The following ASIC3 variants were observed in gnomAD, a reference collection of about 807,000 sequenced individuals.
ASIC3 encodes acid sensing ion channel subunit 3.
In ASIC3, 46 loss-of-function variants were observed where a neutral mutation model predicts 58.6. The ratio of observed to expected loss-of-function variants is 0.79; its 90% CI spans 0.62 to 1.00. ASIC3 has a LOEUF of 1.00. Ranked by LOEUF, ASIC3 falls within the 50% of genes least tolerant of loss-of-function variation. The pLI, the probability that ASIC3 is intolerant of heterozygous loss-of-function variation, is 0.00. For synonymous variants in ASIC3, 336 were observed against 300.2 expected (o/e 1.12, Z -1.23); for missense variants, 770 against 735.0 (o/e 1.05, Z -0.55).
Position 151,052,189 on chromosome 7 carries a change from A to G in ASIC3, c.1410A>G (p.Gly470=). The change falls in exon 9 of 11, where the codon GGA becomes GGG. Residue 470 remains glycine, a synonymous_variant. Transcript: ENST00000349064. This position sits in a 1 kb window ranked among gnomAD's most constrained non-coding sequence, Gnocchi z 5.0. ...LCEVFRDKVL[G]YFWNRQHSQR... is the part of the protein sequence containing the mutation. ...AGGTGTTCCGAGACAAGGTCCTGGG[A>G]TATTTCTGGAACCGACAGCACTCCC... 1 of 1,613,988 alleles carries G rather than the reference A, an allele frequency of 6.2e-7. No homozygotes were observed. Among genetic ancestry groups the G allele is most frequent in the Non-Finnish European group, 8.5e-7 (1 of 1,179,972 alleles).
chr7:151,050,201 G>T lies in ASIC3; in HGVS notation c.630G>T (p.Leu210=). 6.2e-7 allele frequency: 1 copy of T among 1,614,088 alleles called. No homozygotes were observed. ...TTTRGGMGNG[L]DIMLDVQQEE... ...CTAGGGGTGGCATGGGCAATGGGCT[G>T]GACATCATGCTGGACGTGCAGCAGG... is the stretch of plus-strand genomic sequence containing the variant. Residue 210 remains leucine (L), a synonymous_variant, in exon 2 of 11, where the codon CTG becomes CTT. Transcript: ENST00000349064.
Position 151,051,825 on chromosome 7 carries a change from C to T in ASIC3, c.1230C>T (p.Ala410=), listed in dbSNP as rs760839346. Residue 410 remains alanine (A), a synonymous_variant, in exon 7 of 11, where the codon GCC becomes GCT. Coordinates refer to ENST00000349064, the MANE Select transcript of ASIC3 (RefSeq NM_004769.4). ...TTGTCCTCAGGGAGAACGTGCTGGC[C>T]CTGGACATCTTCTTTGAGGCCCTCA... The part of the protein sequence containing the change: ...SEAYIAENVL[A]LDIFFEALNY... The T allele has an allele frequency of 6.2e-7, 1 of 1,613,546 alleles. No homozygotes were observed. Among genetic ancestry groups the T allele is most frequent in the East Asian group, 2.2e-5 (1 of 44,858 alleles).
At position 151,052,627 on chromosome 7, in the gene ASIC3, C is replaced by T. The variant is rs1222368462; in HGVS notation, c.1571C>T (p.Thr524Ile). 6.2e-7 allele frequency: 1 copy of T among 1,614,170 alleles called. No homozygotes were observed. The highest frequency in any genetic ancestry group is 8.5e-7 in the Non-Finnish European group (1 of 1,180,026). ...AAGACTCTCTCCGCCTCCCACCGCA[C>T]CTGCTACCTTGTCACACAGCTCTAG... ...VTKTLSASHRTCYLVTQL is the reference protein window; with the variant it reads ...VTKTLSASHRICYLVTQL The change falls in exon 11 of 11, where the codon ACC (threonine) becomes ATC (isoleucine). Residue 524 changes from threonine to isoleucine, a missense_variant. Thr to Ile is a moderately conservative substitution (Grantham distance 89, BLOSUM62 -1). Transcript: ENST00000349064. This position sits in a 1 kb window ranked among gnomAD's most constrained non-coding sequence, Gnocchi z 5.0.
At chr7:151,051,929 G>T (rs751224977) in intron 7 of ASIC3, 28 bp downstream of exon 7, 15 of 1,613,630 alleles carry the variant, frequency 9.3e-6, no homozygotes, top group Non-Finnish European at 1.2e-5. Context: ...CCAGGGCTGG[G>T]GGGGTGTGGG....
Position 151,050,606 on chromosome 7 carries a change from C to T in ASIC3, c.811C>T (p.Gln271Ter), listed in dbSNP as rs1023106281. 2 of 1,613,966 alleles carry T rather than the reference C, an allele frequency of 1.2e-6. No homozygotes were observed. Among genetic ancestry groups the T allele is most frequent in the Non-Finnish European group, 1.7e-6 (2 of 1,179,910 alleles). The change falls in exon 3 of 11, where the codon CAG becomes TAG. Residue 271 changes from glutamine (Q) to a stop codon, truncating the protein, a stop_gained and splice_region_variant. Coordinates refer to ENST00000349064, the MANE Select transcript of ASIC3 (RefSeq NM_004769.4). LOFTEE classifies it high-confidence loss of function. ...YQTFVSCQQQ[Q>*]LSFLPPPWGD... is the part of the protein sequence containing the mutation. ...GACCTTTGTTTCTTGCCAGCAGCAGCAGGTACCCTTCCGTGTGCCTCCACA... is the reference window on the plus strand; with the variant it reads ...GACCTTTGTTTCTTGCCAGCAGCAGTAGGTACCCTTCCGTGTGCCTCCACA...
chr7:151,051,962 A>AG (rs1473432524), intron 7 of ASIC3, 21 bp from the exon 8 acceptor site: 1 of 1,613,142 alleles, frequency 6.2e-7, no homozygotes, highest in South Asian at 1.1e-5. Flanking sequence ...TGTAAGTTGA[A>AG]GGGTGACCCT....
chr7:151,052,056 C>T lies in ASIC3; in HGVS notation c.1380C>T (p.Leu460=). 6.2e-7 allele frequency: 1 copy of T among 1,613,738 alleles called. No homozygotes were observed. The highest frequency in any genetic ancestry group is 1.1e-5 in the South Asian group (1 of 91,062). Residue 460 remains leucine, a synonymous_variant, in exon 8 of 11, where the codon CTC becomes CTT. Transcript: ENST00000349064. The surrounding 1 kb of genome is among the most constrained non-coding windows in gnomAD (Gnocchi z 5.0). ...CCATCCTCGAGATCCTAGACTACCT[C>T]TGTGAGGTGGGCCAGGGCCCCCACT... ...LLTILEILDY[L]CEVFRDKVLG...
In ASIC3 at chr7:151,049,386, T is replaced by TG. The variant is rs757766302; in HGVS notation, c.503dup (p.Gln169ProfsTer6). On this transcript the variant is annotated frameshift_variant, in exon 1 of 11. Coordinates refer to ENST00000349064, the MANE Select transcript of ASIC3 (RefSeq NM_004769.4). LOFTEE classifies it high-confidence loss of function. ...ACATGCTGCTGGACTGTCGCTTCCG[T>TG]GGCCAACCTTGTGGGCCTGAGAACT... The TG allele has an allele frequency of 6.9e-6, 11 of 1,601,778 alleles. No homozygotes were observed. The Admixed American group carries it at 8.4e-5, about 12-fold the overall frequency.
intron 6 of ASIC3, among the ~76,000 whole-genome samples, 161 bp downstream of exon 6, chr7:151,051,480 G>A (rs1453534056): frequency 6.6e-6 from 1 of 151,768 alleles, no homozygotes; most frequent in Non-Finnish European, 1.5e-5. Context: ...AATCTTTCTG[G>A]CCCCGGGGGA....
chr7:151,050,115 C>A lies in ASIC3; in HGVS notation c.544C>A (p.Arg182=), dbSNP rs141892433. The A allele has an allele frequency of 4.9e-4, 794 of 1,614,018 alleles. No homozygotes were observed. The highest frequency in any genetic ancestry group is 6.5e-4 in the Non-Finnish European group (764 of 1,180,016). Residue 182 remains arginine, a synonymous_variant, in exon 2 of 11, where the codon CGG becomes AGG. Coordinates refer to ENST00000349064, the MANE Select transcript of ASIC3 (RefSeq NM_004769.4). ...GPENFTTIFT[R]MGKCYTFNSG... The stretch of plus-strand genomic sequence containing the variant: ...TGTCTGCCCGCCCCAGATCTTCACC[C>A]GGATGGGAAAGTGCTACACATTTAA...
At chr7:151,050,976 C>T in intron 4 of ASIC3, 23 bp downstream of exon 4, 1 of 1,613,344 alleles carries the variant, frequency 6.2e-7, no homozygotes, top group South Asian at 1.1e-5. Flanking sequence ...GGTTTTCGTC[C>T]CATGGCGGGC....
At chr7:151,051,673 G>A (rs1796784124) in intron 6 of ASIC3, 137 bp from the exon 7 acceptor site, 7 of 848,168 alleles carry the variant, frequency 8.3e-6, no homozygotes, top group African/African-American at 1.7e-5. Flanking sequence ...CCAAAGTGCA[G>A]GGAGTACAGG....
intron 6 of ASIC3, 32 bp from the exon 7 acceptor site, chr7:151,051,778 C>T: frequency 6.2e-7 from 1 of 1,607,614 alleles, no homozygotes; most frequent in Non-Finnish European, 8.5e-7. Flanking sequence ...AGGCGGTGGC[C>T]AGCCCACATT....
rs781736113 is a variant in ASIC3, at chr7:151,052,613, C to T, written c.1557C>T (p.Ser519=). 14 of 1,614,034 alleles carry T rather than the reference C, an allele frequency of 8.7e-6. No homozygotes were observed. In the African/African-American group the frequency reaches 9.3e-5, roughly 11 times the overall value. ...TPPCAVTKTL[S]ASHRTCYLVT... is the part of the protein sequence containing the mutation. The stretch of plus-strand genomic sequence containing the variant: ...CCTGTGCCGTCACCAAGACTCTCTC[C>T]GCCTCCCACCGCACCTGCTACCTTG... The change falls in exon 11 of 11, where the codon TCC becomes TCT. Residue 519 remains serine (S), a synonymous_variant. Coordinates refer to ENST00000349064, the MANE Select transcript of ASIC3 (RefSeq NM_004769.4). The surrounding 1 kb of genome is among the most constrained non-coding windows in gnomAD (Gnocchi z 5.0).
rs778542786 is a variant in ASIC3 at position 151,052,114 on chromosome 7, A to G, written c.1386+52A>G. 3 of 1,613,702 alleles carry G rather than the reference A, an allele frequency of 1.9e-6. No individual in the cohort carries two copies. Among genetic ancestry groups the G allele is most frequent in the Non-Finnish European group, 2.5e-6 (3 of 1,179,780 alleles). ...GTGGGAGGTGGGAATCAGGGCCCCT[A>G]GGATGAGGGGGAAGGTGTGCACTGG... On this transcript the variant is annotated intron_variant, in intron 8 of 10. Coordinates refer to ENST00000349064, the MANE Select transcript of ASIC3 (RefSeq NM_004769.4). This position sits in a 1 kb window ranked among gnomAD's most constrained non-coding sequence, Gnocchi z 5.0.
Position 151,052,173 on chromosome 7 carries a change from G to A in ASIC3, c.1394G>A (p.Arg465Gln), listed in dbSNP as rs114216747. 7.7e-5 allele frequency: 125 copies of A among 1,613,992 alleles called. No individual in the cohort carries two copies. The East Asian group carries it at 2.1e-3, about 27-fold the overall frequency. Residue 465 changes from arginine to glutamine, a missense_variant, in exon 9 of 11, where the codon CGA becomes CAA. By Grantham distance (43) the Arg-to-Gln change is conservative. Transcript: ENST00000349064. This position sits in a 1 kb window ranked among gnomAD's most constrained non-coding sequence, Gnocchi z 5.0. ...EILDYLCEVF[R>Q]DKVLGYFWNR... ...CATCCTGCTTGCCTCCAGGTGTTCCGAGACAAGGTCCTGGGATATTTCTGG... is the reference window on the plus strand; with the variant it reads ...CATCCTGCTTGCCTCCAGGTGTTCCAAGACAAGGTCCTGGGATATTTCTGG...
At position 151,051,280 on chromosome 7, in the gene ASIC3, T is replaced by C; in HGVS notation, c.1175T>C (p.Phe392Ser). The change falls in exon 6 of 11, where the codon TTC (phenylalanine) becomes TCC (serine). Residue 392 changes from phenylalanine to serine, a missense_variant. Transcript: ENST00000349064. ...ATCCCGAGCCGCGCCGCCGCGCGCT[T>C]CCTGGCCCGGAAGCTCAACCGCAGC... ...VRIPSRAAAR[F>S]LARKLNRSEA... 6.6e-7 allele frequency: 1 copy of C among 1,526,530 alleles called. No individual in the cohort carries two copies. The highest frequency in any genetic ancestry group is 8.7e-7 in the Non-Finnish European group (1 of 1,144,920). 94.6% of individuals were successfully genotyped at this position (1,526,530 alleles called of 1,614,324 possible).
intron 2 of ASIC3, 76 bp downstream of exon 2, chr7:151,050,332 G>T: frequency 1.3e-6 from 2 of 1,557,896 alleles, no homozygotes; most frequent in Middle Eastern, 1.7e-4. Flanking sequence ...AGGAGGAGAG[G>T]AGGTGTCAGG....
rs368143619 is a variant in ASIC3, at chr7:151,052,491, C to A, written c.1517+17C>A. ...GGGCCCCAGGTAACACATAATGGCC[C>A]CCTAAAATCAAGGGAGGGCAGGGGC... On this transcript the variant is annotated intron_variant, in intron 10 of 10. Transcript: ENST00000349064. This position sits in a 1 kb window ranked among gnomAD's most constrained non-coding sequence, Gnocchi z 5.0. 2 of 1,614,040 alleles carry A rather than the reference C, an allele frequency of 1.2e-6. No homozygotes were observed. The highest frequency in any genetic ancestry group is 1.7e-6 in the Non-Finnish European group (2 of 1,179,966).
Sources: gnomAD v4.1 joint callset for allele counts (sites outside exome capture counted in the v4.1 genomes callset) on GRCh38, gnomAD v4.1.1 for gene constraint, Gnocchi (gnomAD v3.1) non-coding constraint, MANE v1.5 for transcripts, NCBI Gene and HGNC (gene_info 2026-07-23, HGNC 2026-07-21) for gene names.